Variants in MED1 observed in about 807,000 individuals in gnomAD.
The protein encoded by MED1 is mediator of RNA polymerase II transcription subunit 1.
Under a neutral mutation model 121.3 loss-of-function variants are expected in MED1, and 17 were observed. The observed-to-expected ratio is 0.14, with a 90% CI of 0.10 to 0.21. The LOEUF (loss-of-function observed/expected upper bound fraction) is 0.21. Among genes scored for constraint, MED1 ranks in the 10% least tolerant of loss-of-function variants. The pLI, the probability that MED1 is intolerant of heterozygous loss-of-function variation, is 1.00. For synonymous variants in MED1, 661 were observed against 694.4 expected (o/e 0.95, Z 0.76); for missense variants, 1,558 against 1,919.4 (o/e 0.81, Z 3.52).
chr17:39,434,235 T>C lies in MED1; in HGVS notation c.500+14A>G. On this transcript the variant is annotated intron_variant, in intron 7 of 16. Coordinates refer to ENST00000300651, the MANE Select transcript of MED1 (RefSeq NM_004774.4). Reference sequence around the variant, plus strand: ...ATTTTTACAAACAAAAGCAAAAATATTAAAAATACTTACTTGTCCCCTGGA... The same window carrying C: ...ATTTTTACAAACAAAAGCAAAAATACTAAAAATACTTACTTGTCCCCTGGA... The C allele has an allele frequency of 6.6e-7, 1 of 1,505,776 alleles. No individual in the cohort carries two copies. Among genetic ancestry groups the C allele is most frequent in the Non-Finnish European group, 9.0e-7 (1 of 1,115,278 alleles). 93.3% of individuals were successfully genotyped at this position (1,505,776 alleles called of 1,614,324 possible). A position where few individuals can be genotyped will look rare whatever the true frequency, so the allele number is the denominator to read the frequency against.
chr17:39,440,271 A>T lies in MED1; in HGVS notation c.399+115T>A. ...TTTTGTAGCCCATCACATCATCTCT[A>T]CAGTGGCTCATGGAAAAACCTAAAC... On this transcript the variant is annotated intron_variant, in intron 5 of 16. Coordinates refer to ENST00000300651, the MANE Select transcript of MED1 (RefSeq NM_004774.4). This position sits in a 1 kb window ranked among gnomAD's most constrained non-coding sequence, Gnocchi z 4.1. 9.3e-7 allele frequency: 1 copy of T among 1,072,496 alleles called. No individual in the cohort carries two copies. Among genetic ancestry groups the T allele is most frequent in the Non-Finnish European group, 1.3e-6 (1 of 760,988 alleles). The allele number at this position is 1,072,496 out of a possible 1,614,324, so 66.4% of individuals were successfully genotyped here.
intron 13 of MED1, among the ~76,000 whole-genome samples, chr17:39,422,050 C>T (rs2054952747): frequency 1.3e-5 from 2 of 149,600 alleles, no homozygotes; most frequent in South Asian, 4.3e-4. Flanking sequence ...ATGGCATGAA[C>T]CCGGGAGGTG....
At chr17:39,419,969 C>T in intron 13 of MED1, 51 bp from the exon 14 acceptor site, 1 of 1,531,738 alleles carries the variant, frequency 6.5e-7, no homozygotes, top group African/African-American at 1.4e-5. Flanking sequence ...TATTGTATTC[C>T]AACCACAAAG....
chr17:39,421,017 C>T (rs2048458573), intron 13 of MED1, among the ~76,000 whole-genome samples: 1 of 151,326 alleles, frequency 6.6e-6, no homozygotes, highest in Non-Finnish European at 1.5e-5. Context: ...AGGATGGTCT[C>T]GATCTCCTGA....
rs751226812 is a variant in MED1 at position 39,408,459 on chromosome 17, C to T, written c.3762G>A (p.Ser1254=). ...ATGATGGGGGAGTTTTCTGGGACAACGAGCCTGAGGATCCTAACCCTGAAG... is the reference window on the plus strand; with the variant it reads ...ATGATGGGGGAGTTTTCTGGGACAATGAGCCTGAGGATCCTAACCCTGAAG... ...KSSSGLGSSG[S]LSQKTPPSSN... Residue 1254 remains serine, a synonymous_variant, in exon 17 of 17, where the codon TCG becomes TCA. Transcript: ENST00000300651. The surrounding 1 kb of genome is among the most constrained non-coding windows in gnomAD (Gnocchi z 4.7). 12 of 1,614,108 alleles carry T rather than the reference C, an allele frequency of 7.4e-6. No individual in the cohort carries two copies. In the East Asian group the frequency reaches 1.6e-4, roughly 21 times the overall value.
intron 6 of MED1, among the ~76,000 whole-genome samples, chr17:39,435,558 C>T (rs1417070062): frequency 3.3e-5 from 5 of 152,072 alleles, no homozygotes; most frequent in Non-Finnish European, 7.4e-5. Context: ...ATTCTGTGAG[C>T]ATTTACTGAG....
rs567700480 is a variant in MED1 at position 39,412,538 on chromosome 17, T to C, written c.1500-1817A>G. 2.9e-3 allele frequency among the ~76,000 whole-genome samples: 430 copies of C among 149,076 alleles called. 11 individuals carry two copies. In the East Asian group the frequency reaches 0.035, roughly 12 times the overall value. On this transcript the variant is annotated intron_variant, in intron 16 of 16. Transcript: ENST00000300651. ...CACCCAGCCAGCAAATTTTTCTTTT[T>C]TTTTTTTTTTTTTTCTTTGAGACAG...
intron 2 of MED1, among the ~76,000 whole-genome samples, chr17:39,444,991 T>TA (rs1440027372): frequency 6.6e-6 from 1 of 152,114 alleles, no homozygotes; most frequent in African/African-American, 2.4e-5. Context: ...AGTTTTCTGG[T>TA]ATAAGGATAG....
chr17:39,442,319 C>G (rs1446076073), intron 3 of MED1, among the ~76,000 whole-genome samples: 1 of 151,674 alleles, frequency 6.6e-6, no homozygotes, highest in East Asian at 2.0e-4. Flanking sequence ...ATCTTCTGGA[C>G]AGGCATGGTA....
intron 9 of MED1, among the ~76,000 whole-genome samples, chr17:39,428,678 T>C: frequency 6.7e-6 from 1 of 149,952 alleles, no homozygotes; most frequent in East Asian, 2.0e-4. Flanking sequence ...GGCGCTTGGG[T>C]GTGGTGGCAC....
At chr17:39,426,065 G>C (rs750652258) in intron 10 of MED1, among the ~76,000 whole-genome samples, 8 of 151,812 alleles carry the variant, frequency 5.3e-5, no homozygotes, top group Non-Finnish European at 1.0e-4. Flanking sequence ...CCAGGACTTC[G>C]GGGGCTGTAG....
rs2048315481 is a variant in MED1 at position 39,407,673 on chromosome 17, C to T, written c.4548G>A (p.Arg1516=). The part of the protein sequence containing the change: ...KVKDKDRDRD[R]DKDRDKKKSH... ...ATTTTTTCTTGTCTCGGTCTTTGTCCCGGTCTCGGTCCCTATCTTTGTCTT... is the reference window on the plus strand; with the variant it reads ...ATTTTTTCTTGTCTCGGTCTTTGTCTCGGTCTCGGTCCCTATCTTTGTCTT... The change falls in exon 17 of 17, where the codon CGG becomes CGA. Residue 1516 remains arginine, a synonymous_variant. Coordinates refer to ENST00000300651, the MANE Select transcript of MED1 (RefSeq NM_004774.4). 1.2e-6 allele frequency: 2 copies of T among 1,614,008 alleles called. No individual in the cohort carries two copies. Among genetic ancestry groups the T allele is most frequent in the South Asian group, 1.1e-5 (1 of 91,066 alleles).
intron 16 of MED1, among the ~76,000 whole-genome samples, chr17:39,413,298 T>C (rs4795357): frequency 0.68 from 103,697 of 152,000 alleles, 36,280 homozygotes; most frequent in South Asian, 0.89. Flanking sequence ...AATCTCACTC[T>C]ATCACCCAGG....
chr17:39,439,259 C>G (rs1314884349), intron 5 of MED1, 66 bp from the exon 6 acceptor site: 10 of 1,295,452 alleles, frequency 7.7e-6, no homozygotes, highest in Non-Finnish European at 1.1e-5. Flanking sequence ...ATATCAAAAG[C>G]CTTTCTCTTT....
intron 13 of MED1, among the ~76,000 whole-genome samples, chr17:39,421,589 C>A (rs542439368): frequency 6.6e-6 from 1 of 151,724 alleles, no homozygotes; most frequent in South Asian, 2.1e-4. Context: ...GATTTTGCCA[C>A]GTTGCCCAGG....
In MED1 at chr17:39,440,916, T is replaced by A. The variant is rs1326134762; in HGVS notation, c.212-239A>T. Among the ~76,000 whole-genome samples, 20 of 152,158 alleles carry A rather than the reference T, an allele frequency of 1.3e-4. No homozygotes were observed. Among genetic ancestry groups the A allele is most frequent in the Admixed American group, 1.3e-3 (20 of 15,254 alleles). On this transcript the variant is annotated intron_variant, in intron 3 of 16. Transcript: ENST00000300651. This position sits in a 1 kb window ranked among gnomAD's most constrained non-coding sequence, Gnocchi z 4.1. ...CTTTCTCCTCTCCTGTTTTCATTAC[T>A]CCTTATGTGGGACAAACTGCCTTTA... is the stretch of plus-strand genomic sequence containing the variant.
chr17:39,415,608 C>T (rs931164023), intron 14 of MED1, among the ~76,000 whole-genome samples: 3 of 151,872 alleles, frequency 2.0e-5, no homozygotes, highest in African/African-American at 7.3e-5. Context: ...GTCAGGAGTT[C>T]GAGACAAGCC....
rs768010564 is a variant in MED1, at chr17:39,409,139, T to C, written c.3082A>G (p.Asn1028Asp). The C allele has an allele frequency of 8.7e-6, 14 of 1,614,086 alleles. No homozygotes were observed. The highest frequency in any genetic ancestry group is 1.2e-5 in the Non-Finnish European group (14 of 1,180,040). Residue 1028 changes from asparagine (N) to aspartate (D), a missense_variant, in exon 17 of 17, where the codon AAC becomes GAC. Around this residue, in one of 5 missense-constraint regions of MED1, gnomAD observed 793 missense variants for 898.2 expected, o/e 0.88. Transcript: ENST00000300651. Reference sequence around the variant, plus strand: ...CTGGTAGGTGGGGTAAAAGGTCTGTTAGAAGAACTATGAGATGGAGACTTT... The same window carrying C: ...CTGGTAGGTGGGGTAAAAGGTCTGTCAGAAGAACTATGAGATGGAGACTTT... Reference protein sequence around the residue: ...EGKSPSHSSSNRPFTPPTSTG... With the variant: ...EGKSPSHSSSDRPFTPPTSTG...
intron 1 of MED1, 98 bp downstream of exon 1, chr17:39,450,940 C>T (rs1180654156): frequency 9.5e-7 from 1 of 1,051,154 alleles, no homozygotes; most frequent in Non-Finnish European, 1.4e-6. Flanking sequence ...ACTCTATGCC[C>T]CTAAAGTGGC....
Sources: gnomAD v4.1 joint callset for allele counts (sites outside exome capture counted in the v4.1 genomes callset) on GRCh38, gnomAD v4.1.1 for gene constraint, gnomAD v4.1.1 regional missense constraint, Gnocchi (gnomAD v3.1) non-coding constraint, MANE v1.5 for transcripts, NCBI Gene and HGNC (gene_info 2026-07-23, HGNC 2026-07-21) for gene names.